The following NR6A1 variants were observed in gnomAD, a reference collection of about 807,000 sequenced individuals.
The protein encoded by NR6A1 is retinoic acid receptor-related testis-associated receptor.
NR6A1 carries 7 observed loss-of-function variants against 59.1 expected under a neutral mutation model. The observed-to-expected ratio is 0.12, with a 90% CI of 0.07 to 0.22. The LOEUF (loss-of-function observed/expected upper bound fraction) is 0.22. Ranked by LOEUF, NR6A1 falls within the 10% of genes least tolerant of loss-of-function variation. NR6A1 has a pLI of 1.00. For synonymous variants in NR6A1, 243 were observed against 236.1 expected, an observed-to-expected ratio of 1.03 and a Z score of -0.27; for missense variants, 468 against 611.6, an observed-to-expected ratio of 0.77 and a Z score of 2.48.
intron 2 of NR6A1, among the ~76,000 whole-genome samples, chr9:124,706,265 A>G (rs1262730595): frequency 6.6e-6 from 1 of 152,210 alleles, no homozygotes; most frequent in African/African-American, 2.4e-5. Context: ...AAAATGGTAT[A>G]ATCCTTGCTC....
chr9:124,566,167 C>T (rs1436466335), intron 2 of NR6A1, among the ~76,000 whole-genome samples: 2 of 152,160 alleles, frequency 1.3e-5, no homozygotes, highest in East Asian at 3.9e-4. Context: ...AAACAATGGG[C>T]GAAAGAAGTG....
intron 2 of NR6A1, among the ~76,000 whole-genome samples, chr9:124,576,318 T>G (rs1834589838): frequency 6.6e-6 from 1 of 152,282 alleles, no homozygotes; most frequent in Middle Eastern, 3.4e-3. Context: ...AGACGGAGTT[T>G]CACTCTGTCA....
chr9:124,527,694 G>GT (rs1442860029), intron 7 of NR6A1, among the ~76,000 whole-genome samples: 16 of 152,334 alleles, frequency 1.1e-4, no homozygotes, highest in African/African-American at 3.8e-4. Context: ...GGTTTTTCCA[G>GT]TATCTAAGGT....
chr9:124,752,815 T>TA (rs1254492164), intron 1 of NR6A1, among the ~76,000 whole-genome samples: 5,271 of 140,820 alleles, frequency 0.037, 246 homozygotes, highest in African/African-American at 0.12. Flanking sequence ...GCAGTTAAAT[T>TA]AAAAAAAAAA....
intron 9 of NR6A1, 28 bp from the exon 10 acceptor site, chr9:124,522,821 T>C (rs967836984): frequency 6.5e-7 from 1 of 1,540,780 alleles, no homozygotes; most frequent in Non-Finnish European, 8.8e-7. Context: ...GAAGAAGAGT[T>C]AGCAGTGGTC....
chr9:124,634,819 C>CA (rs1487081010), intron 2 of NR6A1, among the ~76,000 whole-genome samples: 6 of 151,392 alleles, frequency 4.0e-5, no homozygotes, highest in Admixed American at 6.6e-5. Context: ...AAGACTCTCT[C>CA]AAAAAAAAGA....
At chr9:124,669,007 T>G (rs951543053) in intron 2 of NR6A1, among the ~76,000 whole-genome samples, 3 of 152,150 alleles carry the variant, frequency 2.0e-5, no homozygotes, top group Non-Finnish European at 4.4e-5. Flanking sequence ...AAATTATACA[T>G]CCCTAACAAA....
intron 2 of NR6A1, among the ~76,000 whole-genome samples, chr9:124,650,730 A>C (rs2130920785): frequency 6.6e-6 from 1 of 152,368 alleles, no homozygotes; most frequent in Non-Finnish European, 1.5e-5. Flanking sequence ...TATCAATTGA[A>C]GTAACAACAA....
intron 2 of NR6A1, among the ~76,000 whole-genome samples, chr9:124,609,393 A>G (rs1377048095): frequency 6.6e-6 from 1 of 152,022 alleles, no homozygotes; most frequent in Non-Finnish European, 1.5e-5. Flanking sequence ...TGATTTTCTC[A>G]GGTTTATTGA....
Position 124,700,104 on chromosome 9 carries a change from C to T in NR6A1, c.142+33204G>A, listed in dbSNP as rs1838890553. On this transcript the variant is annotated intron_variant, in intron 2 of 9. Coordinates refer to ENST00000487099, the MANE Select transcript of NR6A1 (RefSeq NM_033334.4). ...GCCTCAAGTAATCTGCCCACCTCAG[C>T]CTCCCAAAGTGCTAGGATTACAGGT... 3.3e-5 allele frequency among the ~76,000 whole-genome samples: 5 copies of T among 152,168 alleles called. No homozygotes were observed. In the South Asian group the frequency reaches 1.0e-3, roughly 32 times the overall value.
chr9:124,732,784 C>T (rs112018749), intron 2 of NR6A1, among the ~76,000 whole-genome samples: 3,433 of 151,794 alleles, frequency 0.023, 90 homozygotes, highest in East Asian at 0.1. Flanking sequence ...GCAACCTCTA[C>T]TTCCCGGGTT....
intron 1 of NR6A1, among the ~76,000 whole-genome samples, chr9:124,754,409 T>C (rs1840584791): frequency 6.6e-6 from 1 of 152,196 alleles, no homozygotes; most frequent in East Asian, 1.9e-4. Flanking sequence ...TAATTACCTT[T>C]TAAGGATTTC....
chr9:124,693,293 A>C (rs565058936), intron 2 of NR6A1, among the ~76,000 whole-genome samples: 1 of 152,284 alleles, frequency 6.6e-6, no homozygotes, highest in Admixed American at 6.5e-5. Context: ...GGTGCTTTGT[A>C]CCATTACTAG....
At chr9:124,688,158 C>G (rs762219469) in intron 2 of NR6A1, among the ~76,000 whole-genome samples, 1 of 150,850 alleles carries the variant, frequency 6.6e-6, no homozygotes, top group Admixed American at 6.6e-5. Flanking sequence ...CCTGTCTGTA[C>G]AAAAAAAAAT....
intron 1 of NR6A1, among the ~76,000 whole-genome samples, chr9:124,740,052 A>G (rs1372321268): frequency 2.0e-5 from 3 of 152,222 alleles, no homozygotes; most frequent in African/African-American, 7.2e-5. Flanking sequence ...ATGATTTGCC[A>G]ACCACTTTAT....
chr9:124,520,609 A>C lies in NR6A1; in HGVS notation c.*2096T>G, dbSNP rs186083932. 18 of 152,390 alleles carry C rather than the reference A, an allele frequency of 1.2e-4. No homozygotes were observed. Among genetic ancestry groups the C allele is most frequent in the African/African-American group, 3.4e-4 (14 of 41,602 alleles). The allele number at this position is 152,390 out of a possible 1,614,324, so 9.4% of individuals were successfully genotyped here. A position where few individuals can be genotyped will look rare whatever the true frequency, so the allele number is the denominator to read the frequency against. ...TAATTGGACAGATAGAGGCCTCAGC[A>C]AAGAACGATGCTGTACACAGGAGCT... On this transcript the variant is annotated 3_prime_UTR_variant, in exon 10 of 10. Transcript: ENST00000487099.
Position 124,726,744 on chromosome 9 carries a change from T to C in NR6A1, c.142+6564A>G, listed in dbSNP as rs572774014. The stretch of plus-strand genomic sequence containing the variant: ...AGTAAATACATGAGCCAGTCATCCA[T>C]ACACTAAAGCCTAGTTGAGAAAAAC... On this transcript the variant is annotated intron_variant, in intron 2 of 9. Transcript: ENST00000487099. Among the ~76,000 whole-genome samples the C allele has an allele frequency of 7.6e-4, 116 of 152,356 alleles. 1 individual carries two copies. The highest frequency in any genetic ancestry group is 2.5e-3 in the African/African-American group (104 of 41,586).
intron 3 of NR6A1, among the ~76,000 whole-genome samples, chr9:124,549,600 T>C (rs1191369203): frequency 6.6e-6 from 1 of 152,222 alleles, no homozygotes; most frequent in Non-Finnish European, 1.5e-5. Flanking sequence ...CTCAGTTCCA[T>C]ATCCAAAGAT....
chr9:124,659,740 C>G (rs1052162856), intron 2 of NR6A1, among the ~76,000 whole-genome samples: 1 of 152,052 alleles, frequency 6.6e-6, no homozygotes, highest in African/African-American at 2.4e-5. Context: ...ACCCTTTAAG[C>G]CTATGGACAT....
Sources: gnomAD v4.1 joint callset for allele counts (sites outside exome capture counted in the v4.1 genomes callset) on GRCh38, gnomAD v4.1.1 for gene constraint, MANE v1.5 for transcripts, NCBI Gene and HGNC (gene_info 2026-07-23, HGNC 2026-07-21) for gene names.